The following PHF14 variants were observed in gnomAD, a reference collection of about 807,000 sequenced individuals.
PHF14 encodes the protein PHD finger protein 14.
In PHF14, 55 loss-of-function variants were observed where a neutral mutation model predicts 117.9. The observed-to-expected ratio is 0.47, with a 90% CI of 0.38 to 0.58. The LOEUF is 0.58. Ranked by LOEUF, PHF14 falls within the 20% of genes least tolerant of loss-of-function variation. PHF14 has a pLI of 0.00. For missense variants in PHF14, 978 were observed against 1,122.2 expected (o/e 0.87, Z 1.84); for synonymous variants, 409 against 368.6 (o/e 1.11, Z -1.26).
At chr7:10,986,331 A>G (rs1175709887) in intron 3 of PHF14, among the ~76,000 whole-genome samples, 1 of 152,130 alleles carries the variant, frequency 6.6e-6, no homozygotes, top group Admixed American at 6.5e-5. Flanking sequence ...ATATTTGTGT[A>G]GATTATATCT....
chr7:10,994,778 A>G (rs1316159774), intron 4 of PHF14, among the ~76,000 whole-genome samples: 2 of 152,130 alleles, frequency 1.3e-5, no homozygotes, highest in Non-Finnish European at 2.9e-5. Flanking sequence ...TCGCTGGCTC[A>G]GGAGTGAAGC....
chr7:11,118,034 C>T (rs1178075986), intron 17 of PHF14, among the ~76,000 whole-genome samples: 2 of 151,656 alleles, frequency 1.3e-5, no homozygotes, highest in Middle Eastern at 3.2e-3. Flanking sequence ...ACTCTTCTAG[C>T]GTTTGTGGGA....
At chr7:11,138,229 G>C (rs1340615617) in intron 17 of PHF14, among the ~76,000 whole-genome samples, 2 of 151,836 alleles carry the variant, frequency 1.3e-5, no homozygotes, top group African/African-American at 4.8e-5. Context: ...TTTTAGTAGA[G>C]GCAGGGTTTC....
At chr7:11,156,037 T>A (rs905101013) in intron 17 of PHF14, among the ~76,000 whole-genome samples, 4 of 152,368 alleles carry the variant, frequency 2.6e-5, no homozygotes, top group Non-Finnish European at 5.9e-5. Context: ...ACAAGCTTTA[T>A]AAGTGATTTG....
intron 13 of PHF14, among the ~76,000 whole-genome samples, chr7:11,045,691 CA>C (rs1784640573): frequency 6.6e-6 from 1 of 152,044 alleles, no homozygotes; most frequent in Non-Finnish European, 1.5e-5. Flanking sequence ...CATGTGACAT[CA>C]AAGAAAAGAT....
At chr7:11,091,217 C>G (rs1786629668) in intron 16 of PHF14, among the ~76,000 whole-genome samples, 1 of 151,972 alleles carries the variant, frequency 6.6e-6, no homozygotes, top group African/African-American at 2.4e-5. Context: ...AACATAACAT[C>G]ATACTAGGGT....
rs1274091901 is a variant in PHF14 at position 11,068,271 on chromosome 7, A to T, written c.2654+6186A>T. ...GAGGCTGAGGCAGGAGAATGGCATGAACCCGGAGGCAGGGCTTGCAGTGAG... is the reference window on the plus strand; with the variant it reads ...GAGGCTGAGGCAGGAGAATGGCATGTACCCGGAGGCAGGGCTTGCAGTGAG... On this transcript the variant is annotated intron_variant, in intron 16 of 17. Coordinates refer to ENST00000634607, the MANE Select transcript of PHF14 (RefSeq NM_001007157.2). Among the ~76,000 whole-genome samples the T allele has an allele frequency of 2.1e-5, 3 of 145,584 alleles. No individual in the cohort carries two copies. The Admixed American group carries it at 2.2e-4, about 11-fold the overall frequency.
At chr7:10,988,734 G>A (rs1335002234) in intron 3 of PHF14, among the ~76,000 whole-genome samples, 2 of 151,916 alleles carry the variant, frequency 1.3e-5, no homozygotes, top group East Asian at 1.9e-4. Context: ...GAGATACAGC[G>A]GAAAGGAAAA....
intron 12 of PHF14, 94 bp from the exon 13 acceptor site, chr7:11,042,589 G>A (rs1224688380): frequency 1.3e-6 from 1 of 784,992 alleles, no homozygotes. Flanking sequence ...GTTAAATCAA[G>A]ATGAAATTTT....
At chr7:11,160,417 C>T (rs537178001) in intron 17 of PHF14, among the ~76,000 whole-genome samples, 28 of 152,284 alleles carry the variant, frequency 1.8e-4, no homozygotes, top group South Asian at 4.1e-4. Flanking sequence ...TGGCTATATA[C>T]CCAGTAATGG....
At chr7:11,018,895 A>T (rs573598032) in intron 5 of PHF14, among the ~76,000 whole-genome samples, 56 of 152,172 alleles carry the variant, frequency 3.7e-4, no homozygotes, top group Non-Finnish European at 7.2e-4. Context: ...TATCGCTTTT[A>T]TTATGTTGAG....
chr7:11,049,483 A>G (rs1784781522), intron 13 of PHF14, among the ~76,000 whole-genome samples: 2 of 152,052 alleles, frequency 1.3e-5, no homozygotes, highest in South Asian at 4.1e-4. Context: ...TCAAAAAAAA[A>G]AAAAAAAAAA....
intron 16 of PHF14, among the ~76,000 whole-genome samples, chr7:11,098,390 G>T (rs916392738): frequency 6.6e-6 from 1 of 152,094 alleles, no homozygotes; most frequent in Admixed American, 6.6e-5. Context: ...CTTCTTTGCT[G>T]TTTTCTCTTG....
At chr7:11,087,957 A>G (rs1041112827) in intron 16 of PHF14, among the ~76,000 whole-genome samples, 1 of 152,212 alleles carries the variant, frequency 6.6e-6, no homozygotes. Context: ...TTTATAAAAC[A>G]TAATTTTATA....
chr7:11,163,567 C>G (rs1418462823), intron 17 of PHF14, among the ~76,000 whole-genome samples: 3 of 152,156 alleles, frequency 2.0e-5, no homozygotes, highest in African/African-American at 7.2e-5. Flanking sequence ...TCGCACTTTA[C>G]TTAATGATCC....
At chr7:11,074,119 C>G (rs998557853) in intron 16 of PHF14, among the ~76,000 whole-genome samples, 2 of 152,202 alleles carry the variant, frequency 1.3e-5, no homozygotes, top group African/African-American at 4.8e-5. Context: ...TATCATTTGT[C>G]TCTTTTTTAG....
intron 4 of PHF14, chr7:11,006,736 A>T: frequency 1.5e-6 from 1 of 679,012 alleles, no homozygotes; most frequent in South Asian, 1.4e-5. Context: ...GGCTGCTGGA[A>T]GGTGGGTGAC....
At chr7:11,053,463 T>C (rs1259203071) in intron 14 of PHF14, among the ~76,000 whole-genome samples, 1 of 152,102 alleles carries the variant, frequency 6.6e-6, no homozygotes, top group African/African-American at 2.4e-5. Context: ...ACTTTTCCTT[T>C]GTTAAATAAG....
At chr7:10,975,701 G>T (rs1781839196) in intron 2 of PHF14, among the ~76,000 whole-genome samples, 1 of 152,088 alleles carries the variant, frequency 6.6e-6, no homozygotes, top group African/African-American at 2.4e-5. Context: ...CATGAACAAT[G>T]AAAATTATGT....
Sources: gnomAD v4.1 joint callset for allele counts (sites outside exome capture counted in the v4.1 genomes callset) on GRCh38, gnomAD v4.1.1 for gene constraint, MANE v1.5 for transcripts, NCBI Gene and HGNC (gene_info 2026-07-23, HGNC 2026-07-21) for gene names.